PKHD1: variants seen among roughly 807,000 people sequenced by gnomAD.
PKHD1 encodes the protein fibrocystin.
PKHD1 carries 291 observed loss-of-function variants against 412.0 expected under a neutral mutation model. The ratio of observed to expected loss-of-function variants is 0.71; its 90% confidence interval spans 0.64 to 0.78. The LOEUF is 0.78. Among genes scored for constraint, PKHD1 ranks in the 30% least tolerant of loss-of-function variants. The pLI, the probability that PKHD1 is intolerant of heterozygous loss-of-function variation, is 0.00. For missense variants in PKHD1, 4,825 were observed against 4,950.7 expected (o/e 0.97, Z 0.76); for synonymous variants, 1,777 against 1,821.5 (o/e 0.98, Z 0.62).
At chr6:51,960,066 G>GTTGC (rs775586057) in intron 35 of PKHD1, 40 bp from the exon 36 acceptor site, 1 of 1,607,750 alleles carries the variant, frequency 6.2e-7, no homozygotes, top group South Asian at 1.1e-5. Flanking sequence ...TGGTTGGTTG[G>GTTGC]TTGGCTGGTC....
intron 27 of PKHD1, among the ~76,000 whole-genome samples, chr6:52,036,739 A>C (rs4711994): frequency 0.13 from 19,891 of 152,266 alleles, 1,328 homozygotes; most frequent in Middle Eastern, 0.24. Flanking sequence ...CAAAACAAAA[A>C]TTAAGAAGAT....
intron 36 of PKHD1, among the ~76,000 whole-genome samples, chr6:51,957,405 G>A (rs1481315605): frequency 6.6e-6 from 1 of 152,084 alleles, no homozygotes; most frequent in Non-Finnish European, 1.5e-5. Flanking sequence ...AAGTGTTCAG[G>A]AAACAGAGCA....
At chr6:51,691,167 A>G (rs1458201866) in intron 60 of PKHD1, among the ~76,000 whole-genome samples, 1 of 71,910 alleles carries the variant, frequency 1.4e-5, no homozygotes, top group Admixed American at 1.0e-4. Flanking sequence ...AGAAGCTGGC[A>G]AAGTTGTGGA....
chr6:51,844,936 A>G (rs77524400), intron 50 of PKHD1, among the ~76,000 whole-genome samples: 1 of 152,372 alleles, frequency 6.6e-6, no homozygotes, highest in East Asian at 1.9e-4. Context: ...TCCCAGGAAT[A>G]TGTCCACATA....
intron 9 of PKHD1, 105 bp downstream of exon 9, chr6:52,070,901 G>A: frequency 1.3e-6 from 1 of 758,068 alleles, no homozygotes; most frequent in African/African-American, 1.7e-5. Flanking sequence ...AGTAATTATT[G>A]TTATTATTAT....
At chr6:51,808,753 A>C (rs1036601103) in intron 52 of PKHD1, among the ~76,000 whole-genome samples, 11 of 151,974 alleles carry the variant, frequency 7.2e-5, no homozygotes, top group African/African-American at 2.4e-4. Context: ...TTACATTTGG[A>C]TATTTATGGA....
Position 52,035,709 on chromosome 6 carries a change from G to A in PKHD1, c.3110C>T (p.Ala1037Val), listed in dbSNP as rs1229449662. 1 of 1,613,672 alleles carries A rather than the reference G, an allele frequency of 6.2e-7. No homozygotes were observed. The change falls in exon 28 of 67, where the codon GCC becomes GTC. Residue 1037 changes from alanine (A) to valine (V), a missense_variant. Ala to Val is a moderately conservative substitution (Grantham distance 64, BLOSUM62 0). Coordinates refer to ENST00000371117, the MANE Select transcript of PKHD1 (RefSeq NM_138694.4). Reference protein sequence around the residue: ...SRAADIGGLWATIRGSSLEGV... With the variant: ...SRAADIGGLWVTIRGSSLEGV... ...TTCCAAACTAGAGCCTCGGATGGTG[G>A]CCCAGAGCCCTCCTGTAACAAAAAC...
At chr6:51,940,299 T>G (rs1014497680) in intron 36 of PKHD1, among the ~76,000 whole-genome samples, 2 of 151,398 alleles carry the variant, frequency 1.3e-5, no homozygotes, top group East Asian at 3.9e-4. Flanking sequence ...TATAATAGAG[T>G]AGAGGCAGCC....
At chr6:52,079,355 G>C (rs1178137581) in intron 5 of PKHD1, among the ~76,000 whole-genome samples, 1 of 152,182 alleles carries the variant, frequency 6.6e-6, no homozygotes, top group Non-Finnish European at 1.5e-5. Context: ...GTGTTGGAAA[G>C]ACTTAGCAGA....
At chr6:51,946,861 C>T (rs1054899917) in intron 36 of PKHD1, among the ~76,000 whole-genome samples, 4 of 152,166 alleles carry the variant, frequency 2.6e-5, no homozygotes, top group Admixed American at 2.0e-4. Context: ...CTAATGTTTG[C>T]AAAGTACATC....
intron 27 of PKHD1, among the ~76,000 whole-genome samples, chr6:52,041,515 C>T (rs1392480327): frequency 6.6e-6 from 1 of 152,066 alleles, no homozygotes; most frequent in Non-Finnish European, 1.5e-5. Context: ...TCATAGGTGG[C>T]AGGGCAAAGG....
At chr6:51,745,764 A>G (rs1785112943) in intron 59 of PKHD1, among the ~76,000 whole-genome samples, 2 of 152,206 alleles carry the variant, frequency 1.3e-5, no homozygotes, top group African/African-American at 2.4e-5. Context: ...GTACTTTGTT[A>G]TAGCAGCACA....
chr6:51,787,264 CAGG>C (rs1793027243), intron 53 of PKHD1, among the ~76,000 whole-genome samples: 1 of 149,938 alleles, frequency 6.7e-6, no homozygotes, highest in Non-Finnish European at 1.5e-5. Context: ...GAGGCTGAGG[CAGG>C]AGAATTACTT....
intron 60 of PKHD1, among the ~76,000 whole-genome samples, chr6:51,722,237 G>C (rs1782017032): frequency 6.6e-6 from 1 of 152,140 alleles, no homozygotes; most frequent in Non-Finnish European, 1.5e-5. Context: ...TCAGAGTACA[G>C]ATTATACATT....
intron 57 of PKHD1, 90 bp downstream of exon 57, chr6:51,753,111 T>A (rs1786367443): frequency 1.0e-5 from 12 of 1,162,440 alleles, no homozygotes; most frequent in Non-Finnish European, 1.5e-5. Flanking sequence ...TTTTGTTTTA[T>A]AAATGAAAAT....
chr6:51,645,401 T>C (rs1769963459), intron 63 of PKHD1, among the ~76,000 whole-genome samples: 1 of 152,200 alleles, frequency 6.6e-6, no homozygotes, highest in Admixed American at 6.5e-5. Context: ...TTCTTTTTTC[T>C]TTTTTTCTTG....
rs369339401 is a variant in PKHD1 at position 51,961,231 on chromosome 6, T to C, written c.5752-1205A>G. Among the ~76,000 whole-genome samples, 32 of 152,226 alleles carry C rather than the reference T, an allele frequency of 2.1e-4. 1 individual carries two copies. The highest frequency in any genetic ancestry group is 6.0e-4 in the African/African-American group (25 of 41,538). Reference sequence around the variant, plus strand: ...ATAGTGCTCTATAGTATTTCTGAGATAGAAAATGGAAAATTGTGTTGCCAG... The same window carrying C: ...ATAGTGCTCTATAGTATTTCTGAGACAGAAAATGGAAAATTGTGTTGCCAG... On this transcript the variant is annotated intron_variant, in intron 35 of 66. Transcript: ENST00000371117.
At chr6:51,644,624 C>T (rs76514941) in intron 63 of PKHD1, among the ~76,000 whole-genome samples, 1,626 of 152,234 alleles carry the variant, frequency 0.011, 36 homozygotes, top group African/African-American at 0.037. Context: ...TTTTGGACAA[C>T]ACAAAACCCA....
At chr6:52,053,899 A>G in intron 20 of PKHD1, 139 bp downstream of exon 20, 1 of 863,360 alleles carries the variant, frequency 1.2e-6, no homozygotes, top group Non-Finnish European at 1.9e-6. Context: ...TTTGTCAAAT[A>G]AAATATATTC....
Sources: allele counts gnomAD v4.1 joint callset (sites outside exome capture counted in the v4.1 genomes callset), GRCh38; gene constraint gnomAD v4.1.1; transcripts MANE v1.5; gene names NCBI Gene and HGNC (gene_info 2026-07-23, HGNC 2026-07-21).